Variants in AMMECR1L observed in about 807,000 individuals in gnomAD.
AMMECR1L encodes AMMECR1-like protein.
A neutral mutation model predicts 36.8 loss-of-function variants in AMMECR1L; 4 were observed. That is an observed-to-expected ratio of 0.11 (90% CI 0.05 to 0.25). AMMECR1L has a LOEUF of 0.25. AMMECR1L is among the 10% of genes least tolerant of loss of function. AMMECR1L has a pLI of 1.00. For synonymous variants in AMMECR1L, 147 were observed against 148.0 expected (o/e 0.99, Z 0.05); for missense variants, 232 against 392.1 (o/e 0.59, Z 3.45).
chr2:127,876,087 A>G (rs28496006), intron 2 of AMMECR1L, among the ~76,000 whole-genome samples: 74,184 of 148,918 alleles, frequency 0.5, 19,589 homozygotes, highest in African/African-American at 0.69. Flanking sequence ...AGTGGCTCAT[A>G]TCTGTAATCC....
At chr2:127,866,342 G>C (rs1690682924) in intron 7 of AMMECR1L, among the ~76,000 whole-genome samples, 1 of 152,152 alleles carries the variant, frequency 6.6e-6, no homozygotes, top group South Asian at 2.1e-4. Context: ...TACAGACAGG[G>C]AACAGGCTCA....
In AMMECR1L at chr2:127,874,459, C is replaced by A. The variant is rs1204591598; in HGVS notation, c.-38-187G>T. Among the ~76,000 whole-genome samples, 2 of 152,112 alleles carry A rather than the reference C, an allele frequency of 1.3e-5. No homozygotes were observed. The highest frequency in any genetic ancestry group is 1.9e-4 in the East Asian group (1 of 5,184). ...TTCCTAAAAGAGAATTTTTATTTTC[C>A]ATAAAATTTCCAGATGACTACCATG... On this transcript the variant is annotated intron_variant, in intron 2 of 7. Coordinates refer to ENST00000272647, the MANE Select transcript of AMMECR1L (RefSeq NM_001199140.2). The surrounding 1 kb of genome is among the most constrained non-coding windows in gnomAD (Gnocchi z 5.2).
rs1691060771 is a variant in AMMECR1L at position 127,873,051 on chromosome 2, T to C, written c.407+777A>G. ...CCCTCTCCATGCCCCAGCCAAGGTT[T>C]TGTAGTCTCCGTATGGCAATCAACA... On this transcript the variant is annotated intron_variant, in intron 3 of 7. Coordinates refer to ENST00000272647, the MANE Select transcript of AMMECR1L (RefSeq NM_001199140.2). The surrounding 1 kb of genome is among the most constrained non-coding windows in gnomAD (Gnocchi z 5.2). The C allele has an allele frequency of 3.3e-5, 33 of 985,426 alleles. No homozygotes were observed. The highest frequency in any genetic ancestry group is 4.0e-5 in the Non-Finnish European group (33 of 829,926). 61.0% of individuals were successfully genotyped at this position (985,426 alleles called of 1,614,324 possible). A position where few individuals can be genotyped will look rare whatever the true frequency, so the allele number is the denominator to read the frequency against.
Position 127,865,268 on chromosome 2 carries a change from A to T in AMMECR1L, c.822-63T>A. 1 of 1,205,890 alleles carries T rather than the reference A, an allele frequency of 8.3e-7. No homozygotes were observed. The highest frequency in any genetic ancestry group is 1.2e-6 in the Non-Finnish European group (1 of 853,712). The allele number at this position is 1,205,890 out of a possible 1,614,324, so 74.7% of individuals were successfully genotyped here. On this transcript the variant is annotated intron_variant, in intron 7 of 7. Coordinates refer to ENST00000272647, the MANE Select transcript of AMMECR1L (RefSeq NM_001199140.2). This position sits in a 1 kb window ranked among gnomAD's most constrained non-coding sequence, Gnocchi z 5.4. Reference sequence around the variant, plus strand: ...AACGCTTCATTTTGTAAAGTCACTCAGCAGAGAAAAACCAAAAGCTTATTC... The same window carrying T: ...AACGCTTCATTTTGTAAAGTCACTCTGCAGAGAAAAACCAAAAGCTTATTC...
chr2:127,870,487 C>A (rs1690914591), intron 5 of AMMECR1L, among the ~76,000 whole-genome samples: 1 of 151,254 alleles, frequency 6.6e-6, no homozygotes, highest in Non-Finnish European at 1.5e-5. Flanking sequence ...AAAAAAAAAA[C>A]AAGCAAACAA....
chr2:127,881,657 C>T (rs1186504062), intron 2 of AMMECR1L, among the ~76,000 whole-genome samples: 3 of 152,218 alleles, frequency 2.0e-5, no homozygotes, highest in Admixed American at 2.0e-4. Flanking sequence ...TGGCACATAA[C>T]TACTATCTAT....
At chr2:127,867,384 C>G (rs900806045) in intron 6 of AMMECR1L, 1 of 830,972 alleles carries the variant, frequency 1.2e-6, no homozygotes, top group Non-Finnish European at 1.5e-6. Flanking sequence ...AACTTATATT[C>G]CTTTGTGTGA....
chr2:127,868,972 C>G (rs1305334972), intron 6 of AMMECR1L, among the ~76,000 whole-genome samples: 2 of 152,292 alleles, frequency 1.3e-5, no homozygotes, highest in African/African-American at 4.8e-5. Flanking sequence ...ATCCGCCCAC[C>G]TTGGCCTCCC....
intron 4 of AMMECR1L, 42 bp from the exon 5 acceptor site, chr2:127,870,970 C>A: frequency 6.7e-7 from 1 of 1,484,658 alleles, no homozygotes. Flanking sequence ...GCTCTGGAGT[C>A]AGGAGCCAAT....
rs1328770504 is a variant in AMMECR1L at position 127,873,817 on chromosome 2, G to C, written c.407+11C>G. ...GCCTTCCTCAGTGCCCCCAGCACATGATTTACTCACTAGGGGTCATTGGTG... is the reference window on the plus strand; with the variant it reads ...GCCTTCCTCAGTGCCCCCAGCACATCATTTACTCACTAGGGGTCATTGGTG... On this transcript the variant is annotated intron_variant, in intron 3 of 7. Coordinates refer to ENST00000272647, the MANE Select transcript of AMMECR1L (RefSeq NM_001199140.2). The surrounding 1 kb of genome is among the most constrained non-coding windows in gnomAD (Gnocchi z 5.2). The C allele has an allele frequency of 6.8e-6, 11 of 1,613,748 alleles. No homozygotes were observed. In the African/African-American group the frequency reaches 1.3e-4, roughly 20 times the overall value.
chr2:127,874,599 G>A lies in AMMECR1L; in HGVS notation c.-38-327C>T, dbSNP rs1691140861. Among the ~76,000 whole-genome samples, 1 of 152,204 alleles carries A rather than the reference G, an allele frequency of 6.6e-6. No individual in the cohort carries two copies. The highest frequency in any genetic ancestry group is 2.4e-5 in the African/African-American group (1 of 41,456). ...GAGGACATTTCCAGACTGCCTGGAG[G>A]GCTGCGCACGACCTGTCAGACTCAT... On this transcript the variant is annotated intron_variant, in intron 2 of 7. Coordinates refer to ENST00000272647, the MANE Select transcript of AMMECR1L (RefSeq NM_001199140.2). This position sits in a 1 kb window ranked among gnomAD's most constrained non-coding sequence, Gnocchi z 5.2.
At chr2:127,884,530 G>A (rs1291912596) in intron 1 of AMMECR1L, among the ~76,000 whole-genome samples, 2 of 152,070 alleles carry the variant, frequency 1.3e-5, no homozygotes, top group Admixed American at 6.6e-5. Context: ...CATCCTTAGC[G>A]TCATCAGCAA....
In AMMECR1L at chr2:127,865,232, T is replaced by A. The variant is rs755938274; in HGVS notation, c.822-27A>T. ...TGTATGAGGAAACAGGAAAGGGTAT[T>A]AGGAACCCCAAACGCTTCATTTTGT... On this transcript the variant is annotated intron_variant, in intron 7 of 7. Coordinates refer to ENST00000272647, the MANE Select transcript of AMMECR1L (RefSeq NM_001199140.2). The surrounding 1 kb of genome is among the most constrained non-coding windows in gnomAD (Gnocchi z 5.4). The A allele has an allele frequency of 1.1e-5, 17 of 1,544,030 alleles. No homozygotes were observed. Among genetic ancestry groups the A allele is most frequent in the Non-Finnish European group, 1.5e-5 (17 of 1,123,132 alleles).
rs763148371 is a variant in AMMECR1L at position 127,874,043 on chromosome 2, C to T, written c.192G>A (p.Val64=). 6.2e-7 allele frequency: 1 copy of T among 1,614,112 alleles called. No homozygotes were observed. The highest frequency in any genetic ancestry group is 2.2e-5 in the East Asian group (1 of 44,904). The change falls in exon 3 of 8, where the codon GTG becomes GTA. Residue 64 remains valine (V), a synonymous_variant. Coordinates refer to ENST00000272647, the MANE Select transcript of AMMECR1L (RefSeq NM_001199140.2). The surrounding 1 kb of genome is among the most constrained non-coding windows in gnomAD (Gnocchi z 5.2). ...TTCCAGGTCCCAGAGTTAAGTCTGA[C>T]ACATTCTCCCGTCCACTGCTGCTGT... ...HVDSSSGREN[V]SDLTLGPGNS...
intron 2 of AMMECR1L, 147 bp downstream of exon 2, chr2:127,884,056 C>G (rs776004423): frequency 4.6e-5 from 7 of 152,114 alleles, no homozygotes; most frequent in Non-Finnish European, 8.8e-5. Context: ...AGGGAACAAG[C>G]GGAAAAACTT....
In AMMECR1L at chr2:127,865,199, T is replaced by A. The variant is rs1481888103; in HGVS notation, c.828A>T (p.Arg276=). The change falls in exon 8 of 8, where the codon CGA becomes CGT. Residue 276 remains arginine (R), a synonymous_variant. Coordinates refer to ENST00000272647, the MANE Select transcript of AMMECR1L (RefSeq NM_001199140.2). This position sits in a 1 kb window ranked among gnomAD's most constrained non-coding sequence, Gnocchi z 5.4. ...CGTAACTGATTGTCACCTTCTCACT[T>A]CGGTACCTGTATGAGGAAACAGGAA... The part of the protein sequence containing the change: ...FRKTIKLTRY[R]SEKVTISYAE... The A allele has an allele frequency of 6.2e-7, 1 of 1,611,458 alleles. No homozygotes were observed. The highest frequency in any genetic ancestry group is 1.1e-5 in the South Asian group (1 of 90,672).
At chr2:127,883,457 C>T (rs13398811) in intron 2 of AMMECR1L, among the ~76,000 whole-genome samples, 13,978 of 152,152 alleles carry the variant, frequency 0.092, 1,655 homozygotes, top group African/African-American at 0.26. Context: ...AGTCAAAACT[C>T]TTTTCACCTC....
chr2:127,884,588 A>C (rs1302953893), intron 1 of AMMECR1L, among the ~76,000 whole-genome samples: 1 of 152,222 alleles, frequency 6.6e-6, no homozygotes, highest in East Asian at 1.9e-4. Context: ...GAACTCGAGC[A>C]TGAGACGCAC....
chr2:127,876,059 C>T (rs559644566), intron 2 of AMMECR1L, among the ~76,000 whole-genome samples: 3 of 151,864 alleles, frequency 2.0e-5, no homozygotes, highest in Admixed American at 6.6e-5. Context: ...CCCGCCCCCC[C>T]ACCCGCTGGC....
Sources: gnomAD v4.1 joint callset for allele counts (sites outside exome capture counted in the v4.1 genomes callset) on GRCh38, gnomAD v4.1.1 for gene constraint, Gnocchi (gnomAD v3.1) non-coding constraint, MANE v1.5 for transcripts, NCBI Gene and HGNC (gene_info 2026-07-23, HGNC 2026-07-21) for gene names.